BNC2: variants seen among roughly 807,000 people sequenced by gnomAD.
BNC2 encodes the protein basonuclin zinc finger protein 2.
In BNC2, 20 loss-of-function variants were observed where a neutral mutation model predicts 76.3. That is an observed-to-expected ratio of 0.26 (90% confidence interval 0.18 to 0.38). The LOEUF is 0.38. BNC2 is among the 10% of genes least tolerant of loss of function. The probability of loss-of-function intolerance (pLI) is 1.00; values close to 1 mark genes in which losing one functional copy is unlikely to be tolerated. For missense variants in BNC2, 1,382 were observed against 1,399.8 expected (o/e 0.99, Z 0.20); for synonymous variants, 582 against 514.8 (o/e 1.13, Z -1.77).
At chr9:16,463,382 C>T (rs1407719314) in intron 5 of BNC2, among the ~76,000 whole-genome samples, 2 of 137,082 alleles carry the variant, frequency 1.5e-5, no homozygotes, top group Non-Finnish European at 3.0e-5. Context: ...CTGCAAGCTC[C>T]GCCTCCCGGG....
At chr9:16,606,556 G>A (rs1433621519) in intron 3 of BNC2, among the ~76,000 whole-genome samples, 2 of 151,526 alleles carry the variant, frequency 1.3e-5, no homozygotes, top group Admixed American at 6.6e-5. Context: ...GTAGGGGGAC[G>A]GAGTTTCACT....
At chr9:16,753,312 G>A (rs1760430122) in intron 1 of BNC2, among the ~76,000 whole-genome samples, 1 of 152,048 alleles carries the variant, frequency 6.6e-6, no homozygotes, top group Non-Finnish European at 1.5e-5. Context: ...GCCACAGCTG[G>A]CAGAATAAAT....
intron 4 of BNC2, chr9:16,580,276 G>T (rs1051721798): frequency 2.5e-6 from 1 of 397,506 alleles, no homozygotes; most frequent in African/African-American, 2.1e-5. Flanking sequence ...CCTCATGAAT[G>T]GGGAGAGTGT....
chr9:16,689,829 CAA>C (rs777952299), intron 3 of BNC2, among the ~76,000 whole-genome samples: 2 of 152,034 alleles, frequency 1.3e-5, no homozygotes, highest in Non-Finnish European at 2.9e-5. Context: ...TCAGATAACA[CAA>C]AGAGTTCAGG....
chr9:16,678,927 C>G (rs781208822), intron 3 of BNC2, among the ~76,000 whole-genome samples: 108 of 152,168 alleles, frequency 7.1e-4, no homozygotes, highest in Non-Finnish European at 1.3e-3. Context: ...TAAATATGTT[C>G]CCTTGCTTGA....
chr9:16,749,224 G>A (rs571722999), intron 1 of BNC2, among the ~76,000 whole-genome samples: 3 of 152,132 alleles, frequency 2.0e-5, no homozygotes, highest in African/African-American at 4.8e-5. Context: ...ATATGTAAAT[G>A]TACAAGTTAA....
At chr9:16,614,943 G>A (rs1820654498) in intron 3 of BNC2, among the ~76,000 whole-genome samples, 1 of 130,836 alleles carries the variant, frequency 7.6e-6, no homozygotes, top group Non-Finnish European at 1.6e-5. Context: ...ATGACAGAGT[G>A]AGACTCTGTC....
intron 4 of BNC2, among the ~76,000 whole-genome samples, chr9:16,574,919 T>C (rs113582465): frequency 3.1e-4 from 47 of 152,210 alleles, no homozygotes; most frequent in African/African-American, 1.0e-3. Flanking sequence ...GAGAAGGGAT[T>C]TGACCACTGG....
chr9:16,675,623 A>G (rs1413829509), intron 3 of BNC2, among the ~76,000 whole-genome samples: 1 of 152,234 alleles, frequency 6.6e-6, no homozygotes, highest in African/African-American at 2.4e-5. Flanking sequence ...TAAACTCTAA[A>G]GGAATAAAAC....
At position 16,671,431 on chromosome 9, in the gene BNC2, A is replaced by G. The variant is rs1381841235; in HGVS notation, c.330+56366T>C. On this transcript the variant is annotated intron_variant, in intron 3 of 6. Coordinates refer to ENST00000380672, the MANE Select transcript of BNC2 (RefSeq NM_017637.6). Reference sequence around the variant, plus strand: ...AGAACACATCTAGCCTTTCACATCCAAAAGAACAGGCAGCCCATGGAAAAG... The same window carrying G: ...AGAACACATCTAGCCTTTCACATCCGAAAGAACAGGCAGCCCATGGAAAAG... Among the ~76,000 whole-genome samples, 3 of 152,226 alleles carry G rather than the reference A, an allele frequency of 2.0e-5. No homozygotes were observed. In the East Asian group the frequency reaches 5.8e-4, roughly 29 times the overall value.
chr9:16,446,106 T>C (rs1821225720), intron 5 of BNC2, among the ~76,000 whole-genome samples: 1 of 152,180 alleles, frequency 6.6e-6, no homozygotes, highest in South Asian at 2.1e-4. Flanking sequence ...TAAAGATTGA[T>C]ACTTTAAAGG....
At position 16,463,539 on chromosome 9, in the gene BNC2, G is replaced by A. The variant is rs1016172899; in HGVS notation, c.670-26015C>T. On this transcript the variant is annotated intron_variant, in intron 5 of 6. Transcript: ENST00000380672. ...TCTCAATCTCCTGACCTCGTGATCCGCCCGCCTCGGCCTCCCAAAGTGCTG... is the reference window on the plus strand; with the variant it reads ...TCTCAATCTCCTGACCTCGTGATCCACCCGCCTCGGCCTCCCAAAGTGCTG... Among the ~76,000 whole-genome samples, 19 of 150,254 alleles carry A rather than the reference G, an allele frequency of 1.3e-4. 1 individual carries two copies. Among genetic ancestry groups the A allele is most frequent in the Middle Eastern group, 3.4e-3 (1 of 292 alleles).
intron 3 of BNC2, among the ~76,000 whole-genome samples, chr9:16,628,745 T>C (rs1293992560): frequency 1.3e-5 from 2 of 152,216 alleles, no homozygotes; most frequent in African/African-American, 4.8e-5. Context: ...CAAAGCATTC[T>C]GAAAAAGATT....
intron 1 of BNC2, among the ~76,000 whole-genome samples, chr9:16,781,318 A>G (rs1284743206): frequency 6.6e-6 from 1 of 152,146 alleles, no homozygotes; most frequent in African/African-American, 2.4e-5. Context: ...GGGGCACAGA[A>G]GAAAGGCTAT....
chr9:16,643,353 T>C (rs1821542209), intron 3 of BNC2, among the ~76,000 whole-genome samples: 1 of 151,468 alleles, frequency 6.6e-6, no homozygotes, highest in Non-Finnish European at 1.5e-5. Context: ...GACCAGAATT[T>C]GGGTCTCAAA....
chr9:16,598,320 A>T (rs933376628), intron 3 of BNC2, among the ~76,000 whole-genome samples: 1 of 152,244 alleles, frequency 6.6e-6, no homozygotes, highest in African/African-American at 2.4e-5. Context: ...GAATTAAAAA[A>T]TAAAAGTGAT....
At chr9:16,730,165 A>G (rs1208111031) in intron 2 of BNC2, among the ~76,000 whole-genome samples, 2 of 152,158 alleles carry the variant, frequency 1.3e-5, no homozygotes, top group Non-Finnish European at 2.9e-5. Context: ...CTGCAGTAAT[A>G]GACTCTTTTA....
intron 3 of BNC2, among the ~76,000 whole-genome samples, chr9:16,604,305 G>A (rs1484973796): frequency 6.6e-6 from 1 of 151,998 alleles, no homozygotes; most frequent in East Asian, 1.9e-4. Flanking sequence ...TTAATTAAAT[G>A]CCAACTTTTG....
At chr9:16,539,757 A>AGGAAC (rs1818256081) in intron 5 of BNC2, among the ~76,000 whole-genome samples, 1 of 90,436 alleles carries the variant, frequency 1.1e-5, no homozygotes, top group South Asian at 4.4e-4. Flanking sequence ...AGGGAAGGAA[A>AGGAAC]GGAAAGGAAA....
Sources: allele counts gnomAD v4.1 joint callset (sites outside exome capture counted in the v4.1 genomes callset), GRCh38; gene constraint gnomAD v4.1.1; transcripts MANE v1.5; gene names NCBI Gene and HGNC (gene_info 2026-07-23, HGNC 2026-07-21).